Variants in SRBD1 observed in about 807,000 individuals in gnomAD.
SRBD1 encodes the protein S1 RNA-binding domain-containing protein 1.
A neutral mutation model predicts 115.3 loss-of-function variants in SRBD1; 88 were observed. The ratio of observed to expected loss-of-function variants is 0.76; its 90% confidence interval spans 0.64 to 0.91. The LOEUF is 0.91. SRBD1 is among the 40% of genes least tolerant of loss of function. The pLI is 0.00. For synonymous variants in SRBD1, 509 were observed against 407.7 expected, an observed-to-expected ratio of 1.25 and a Z score of -2.99; for missense variants, 1,385 against 1,177.4, an observed-to-expected ratio of 1.18 and a Z score of -2.58.
At chr2:45,530,207 T>C (rs1019603373) in intron 14 of SRBD1, among the ~76,000 whole-genome samples, 1 of 151,998 alleles carries the variant, frequency 6.6e-6, no homozygotes, top group Non-Finnish European at 1.5e-5. Flanking sequence ...ATATACCCAT[T>C]AACTGCTAAC....
At chr2:45,466,475 C>T (rs914815533) in intron 16 of SRBD1, among the ~76,000 whole-genome samples, 1 of 152,154 alleles carries the variant, frequency 6.6e-6, no homozygotes, top group African/African-American at 2.4e-5. Flanking sequence ...AACTCTCTTC[C>T]TTAAACATTT....
intron 14 of SRBD1, among the ~76,000 whole-genome samples, chr2:45,517,361 T>C (rs1671151592): frequency 1.3e-5 from 2 of 152,210 alleles, no homozygotes; most frequent in South Asian, 4.1e-4. Flanking sequence ...ACTCAACTTT[T>C]ACATAAGTGA....
intron 15 of SRBD1, among the ~76,000 whole-genome samples, chr2:45,483,048 G>C (rs191830907): frequency 3.9e-5 from 6 of 151,962 alleles, no homozygotes; most frequent in African/African-American, 7.2e-5. Context: ...TTATTAAAAG[G>C]CTTTAAAGTT....
intron 16 of SRBD1, among the ~76,000 whole-genome samples, chr2:45,472,958 T>TC (rs1669695169): frequency 6.6e-6 from 1 of 151,414 alleles, no homozygotes; most frequent in South Asian, 2.1e-4. Context: ...TCAAGGTTGT[T>TC]TTTTTTTTCT....
intron 20 of SRBD1, among the ~76,000 whole-genome samples, chr2:45,391,698 T>C (rs910078220): frequency 1.3e-5 from 2 of 152,210 alleles, no homozygotes; most frequent in African/African-American, 2.4e-5. Flanking sequence ...AGAGCCCAGA[T>C]GCATCTGTCT....
intron 19 of SRBD1, among the ~76,000 whole-genome samples, chr2:45,407,339 A>G (rs1400719998): frequency 6.6e-6 from 1 of 152,160 alleles, no homozygotes; most frequent in Non-Finnish European, 1.5e-5. Context: ...ACAGAATGAC[A>G]TTTTTAAAAA....
At chr2:45,453,268 GAAAAA>G (rs534496837) in intron 16 of SRBD1, among the ~76,000 whole-genome samples, 1 of 127,430 alleles carries the variant, frequency 7.8e-6, no homozygotes, top group Admixed American at 8.2e-5. Context: ...CTGCTATAAG[GAAAAA>G]AAAAAAAAAG....
In SRBD1 at chr2:45,593,354, T is replaced by G. The variant is rs78201236; in HGVS notation, c.648+6095A>C. Among the ~76,000 whole-genome samples the G allele has an allele frequency of 1.1e-3, 173 of 152,308 alleles. 1 individual carries two copies. In the East Asian group the frequency reaches 0.03, roughly 27 times the overall value. ...AATTCAATTTATATGCCAAGCAAGA[T>G]GATTCCTCAGGCATAATCCTCATGT... On this transcript the variant is annotated intron_variant, in intron 4 of 20. Coordinates refer to ENST00000263736, the MANE Select transcript of SRBD1 (RefSeq NM_018079.5).
chr2:45,500,786 GT>G (rs780084557), intron 14 of SRBD1, among the ~76,000 whole-genome samples: 6 of 152,132 alleles, frequency 3.9e-5, no homozygotes, highest in Non-Finnish European at 7.3e-5. Flanking sequence ...ACTTCTAAGA[GT>G]TTTTTGGTGG....
At chr2:45,550,653 T>C (rs1291110091) in intron 12 of SRBD1, among the ~76,000 whole-genome samples, 2 of 152,004 alleles carry the variant, frequency 1.3e-5, no homozygotes, top group Admixed American at 6.6e-5. Context: ...AGTAATAGCA[T>C]AGAGTTCTTC....
At chr2:45,550,986 T>G in intron 12 of SRBD1, 139 bp downstream of exon 12, 1 of 896,912 alleles carries the variant, frequency 1.1e-6, no homozygotes, top group Non-Finnish European at 1.6e-6. Flanking sequence ...ATTATCTGGT[T>G]CCCAACACCC....
chr2:45,406,834 G>C (rs1055249503), intron 19 of SRBD1, among the ~76,000 whole-genome samples: 3 of 151,576 alleles, frequency 2.0e-5, no homozygotes, highest in African/African-American at 7.3e-5. Context: ...TCAGCCACGT[G>C]ATGATAGAGT....
At chr2:45,561,030 C>A (rs529740148) in intron 10 of SRBD1, among the ~76,000 whole-genome samples, 1 of 151,958 alleles carries the variant, frequency 6.6e-6, no homozygotes, top group Non-Finnish European at 1.5e-5. Context: ...TCACTGGAGT[C>A]TGGGAGATTG....
intron 16 of SRBD1, among the ~76,000 whole-genome samples, chr2:45,463,991 A>T (rs530881621): frequency 1.1e-4 from 16 of 152,278 alleles, no homozygotes; most frequent in Non-Finnish European, 1.9e-4. Flanking sequence ...GGATAAAGAT[A>T]TTACACTTTA....
At chr2:45,583,083 A>G (rs1460032053) in intron 5 of SRBD1, among the ~76,000 whole-genome samples, 1 of 152,112 alleles carries the variant, frequency 6.6e-6, no homozygotes, top group Non-Finnish European at 1.5e-5. Flanking sequence ...TTCTCATCCT[A>G]TTGTATTACC....
intron 14 of SRBD1, among the ~76,000 whole-genome samples, chr2:45,545,306 A>C (rs1011178566): frequency 2.8e-5 from 4 of 142,528 alleles, no homozygotes; most frequent in Non-Finnish European, 4.5e-5. Context: ...AAAAAAAAAA[A>C]AAAAAAAAAC....
chr2:45,494,349 G>A (rs1487745530), intron 14 of SRBD1, among the ~76,000 whole-genome samples: 2 of 151,630 alleles, frequency 1.3e-5, no homozygotes, highest in Non-Finnish European at 2.9e-5. Flanking sequence ...TTATTAATTG[G>A]TCAGGGAATC....
At chr2:45,527,460 T>C (rs1202378689) in intron 14 of SRBD1, among the ~76,000 whole-genome samples, 1 of 151,790 alleles carries the variant, frequency 6.6e-6, no homozygotes, top group Non-Finnish European at 1.5e-5. Context: ...AGAATGTATC[T>C]GAGTCAGGCC....
chr2:45,555,373 T>C (rs1672441063), intron 10 of SRBD1, among the ~76,000 whole-genome samples: 1 of 152,038 alleles, frequency 6.6e-6, no homozygotes, highest in Non-Finnish European at 1.5e-5. Context: ...ACAGAGACCC[T>C]TTCTTAAAAA....
Sources: allele counts gnomAD v4.1 joint callset (sites outside exome capture counted in the v4.1 genomes callset), GRCh38; gene constraint gnomAD v4.1.1; transcripts MANE v1.5; gene names NCBI Gene and HGNC (gene_info 2026-07-23, HGNC 2026-07-21).